MTMR4: variants seen among roughly 807,000 people sequenced by gnomAD.
MTMR4 encodes myotubularin related protein 4.
A neutral mutation model predicts 125.5 loss-of-function variants in MTMR4; 30 were observed. The observed-to-expected ratio is 0.24, with a 90% CI of 0.18 to 0.32. MTMR4 has a LOEUF of 0.32. Ranked by LOEUF, MTMR4 falls within the 10% of genes least tolerant of loss-of-function variation. MTMR4 has a pLI of 1.00. For missense variants in MTMR4, 1,039 were observed against 1,511.5 expected, an observed-to-expected ratio of 0.69 and a Z score of 5.18; for synonymous variants, 498 against 564.5, an observed-to-expected ratio of 0.88 and a Z score of 1.67.
chr17:58,498,489 A>C (rs1380074383), intron 14 of MTMR4, among the ~76,000 whole-genome samples: 3 of 136,730 alleles, frequency 2.2e-5, no homozygotes, highest in African/African-American at 8.1e-5. Context: ...ACTTTAATGG[A>C]AGAAGAAGAA....
chr17:58,512,769 C>A lies in MTMR4; in HGVS notation c.135+83G>T. 1 of 1,219,056 alleles carries A rather than the reference C, an allele frequency of 8.2e-7. No individual in the cohort carries two copies. The highest frequency in any genetic ancestry group is 1.2e-6 in the Non-Finnish European group (1 of 833,136). The allele number at this position is 1,219,056 out of a possible 1,614,324, so 75.5% of individuals were successfully genotyped here. A position where few individuals can be genotyped will look rare whatever the true frequency, so the allele number is the denominator to read the frequency against. On this transcript the variant is annotated intron_variant, in intron 2 of 17. Coordinates refer to ENST00000682306, the MANE Select transcript of MTMR4 (RefSeq NM_001378067.1). The surrounding 1 kb of genome is among the most constrained non-coding windows in gnomAD (Gnocchi z 4.1). ...AAGCCAGAGCTCTGGTACCAGATGC[C>A]CTTGAGGATTTTTGGGAGAAGGGAG...
At chr17:58,493,433 G>A (rs867037682) in intron 15 of MTMR4, among the ~76,000 whole-genome samples, 48 of 152,322 alleles carry the variant, frequency 3.2e-4, no homozygotes, top group African/African-American at 1.1e-3. Context: ...GCTCGCTGTA[G>A]CCTCAACATC....
upstream of MTMR4, among the ~76,000 whole-genome samples, chr17:58,518,216 A>G (rs2042046857): frequency 6.6e-6 from 1 of 152,236 alleles, no homozygotes; most frequent in Non-Finnish European, 1.5e-5. Context: ...GGGGACCGGA[A>G]GTGGAGGCGG....
At chr17:58,514,755 G>C (rs943754318), upstream of MTMR4, 1 of 801,658 alleles carries the variant, frequency 1.2e-6, no homozygotes, top group African/African-American at 1.9e-5. Context: ...CCTGGGCCTC[G>C]TAGGAGGGCG....
intron 14 of MTMR4, among the ~76,000 whole-genome samples, chr17:58,503,369 C>T (rs1417222079): frequency 8.5e-5 from 13 of 152,094 alleles, no homozygotes; most frequent in African/African-American, 1.7e-4. Flanking sequence ...AGAAAGAGGC[C>T]GGGCACGGTG....
In MTMR4 at chr17:58,504,782, C is replaced by T. The variant is rs947246953; in HGVS notation, c.1338G>A (p.Leu446=). ...KILLDPYYRT[L]EGFQVLVESD... is the part of the protein sequence containing the mutation. ...CCCACCGAATTCCTCTCAATACCTC[C>T]AACGTCCTGTAATATGGGTCCAGTA... Residue 446 remains leucine, a synonymous_variant, in exon 11 of 18, where the codon TTG becomes TTA. Coordinates refer to ENST00000682306, the MANE Select transcript of MTMR4 (RefSeq NM_001378067.1). This position sits in a 1 kb window ranked among gnomAD's most constrained non-coding sequence, Gnocchi z 7.1. 1 of 1,600,550 alleles carries T rather than the reference C, an allele frequency of 6.2e-7. No homozygotes were observed. Among genetic ancestry groups the T allele is most frequent in the Non-Finnish European group, 8.5e-7 (1 of 1,172,208 alleles).
chr17:58,508,816 A>G lies in MTMR4; in HGVS notation c.361T>C (p.Cys121Arg). The G allele has an allele frequency of 2.5e-6, 4 of 1,614,098 alleles. No homozygotes were observed. The highest frequency in any genetic ancestry group is 3.4e-6 in the Non-Finnish European group (4 of 1,179,972). Reference protein sequence around the residue: ...VRCHFSTFKQCQEWLSRLSRA... With the variant: ...VRCHFSTFKQRQEWLSRLSRA... Reference sequence around the variant, plus strand: ...CTTAGCCGTGAGAGCCACTCTTGGCACTGCTTAAAAGTGGAGAAGTGGCAC... The same window carrying G: ...CTTAGCCGTGAGAGCCACTCTTGGCGCTGCTTAAAAGTGGAGAAGTGGCAC... The change falls in exon 5 of 18, where the codon TGC becomes CGC. Residue 121 changes from cysteine to arginine, a missense_variant. Around this residue, in one of 6 missense-constraint regions of MTMR4, gnomAD observed 202 missense variants for 311.9 expected, o/e 0.65. Transcript: ENST00000682306. The surrounding 1 kb of genome is among the most constrained non-coding windows in gnomAD (Gnocchi z 4.8).
rs1398179845 is a variant in MTMR4, at chr17:58,491,647, G to A, written c.*16C>T. ...CCTTCAAACCTGCTAAAATTGGACA[G>A]GTTTCTCCCCGGCATTCAACTGGAA... On this transcript the variant is annotated 3_prime_UTR_variant, in exon 18 of 18. Transcript: ENST00000682306. 6 of 1,609,936 alleles carry A rather than the reference G, an allele frequency of 3.7e-6. No homozygotes were observed. The Admixed American group carries it at 6.7e-5, about 18-fold the overall frequency.
chr17:58,514,735 C>T (rs1363587451), upstream of MTMR4: 2 of 916,060 alleles, frequency 2.2e-6, no homozygotes, highest in African/African-American at 3.6e-5. Context: ...CCTCCTCCCT[C>T]CCCGCGGACC....
rs562204338 is a variant in MTMR4 at position 58,505,489 on chromosome 17, C to T, written c.1128G>A (p.Gln376=). The T allele has an allele frequency of 1.5e-4, 243 of 1,612,868 alleles. 2 individuals carry two copies. The South Asian group carries it at 2.4e-3, about 16-fold the overall frequency. ...ACACCTACTTGCTAGGATCCGGCAT[C>T]TGGCTACACACAGCCCGGAGGTACT... ...SFQYLRAVCS[Q]MPDPSNWLSA... The change falls in exon 10 of 18, where the codon CAG becomes CAA. Residue 376 remains glutamine, a synonymous_variant. Coordinates refer to ENST00000682306, the MANE Select transcript of MTMR4 (RefSeq NM_001378067.1).
At chr17:58,498,845 T>G (rs1217795802) in intron 14 of MTMR4, among the ~76,000 whole-genome samples, 1 of 152,158 alleles carries the variant, frequency 6.6e-6, no homozygotes, top group Non-Finnish European at 1.5e-5. Context: ...ATTCTCCTAC[T>G]TTTTAAGCTC....
Position 58,512,648 on chromosome 17 carries a change from G to T in MTMR4, c.136-142C>A. On this transcript the variant is annotated intron_variant, in intron 2 of 17. Transcript: ENST00000682306. This position sits in a 1 kb window ranked among gnomAD's most constrained non-coding sequence, Gnocchi z 4.1. ...GTTCTCTCCACGGTAACAGCACCAGGCAACAGCTGTACAGGAAAGCTGCCT... is the reference window on the plus strand; with the variant it reads ...GTTCTCTCCACGGTAACAGCACCAGTCAACAGCTGTACAGGAAAGCTGCCT... 1.2e-6 allele frequency: 1 copy of T among 814,978 alleles called. No homozygotes were observed. The allele number at this position is 814,978 out of a possible 1,614,324, so 50.5% of individuals were successfully genotyped here.
chr17:58,514,010 A>G (rs1440442800), intron 1 of MTMR4: 1 of 152,528 alleles, frequency 6.6e-6, no homozygotes, highest in East Asian at 1.9e-4. Flanking sequence ...CATTCAGCCT[A>G]CTAGCCACAT....
chr17:58,507,096 G>A, intron 8 of MTMR4, 27 bp downstream of exon 8: 3 of 1,612,470 alleles, frequency 1.9e-6, no homozygotes, highest in Admixed American at 1.7e-5. Context: ...CCTGCTCCCT[G>A]GGGGGTTAGC....
intron 14 of MTMR4, among the ~76,000 whole-genome samples, chr17:58,500,127 A>G (rs1975581607): frequency 6.6e-6 from 1 of 152,012 alleles, no homozygotes; most frequent in Non-Finnish European, 1.5e-5. Context: ...GCTTTGAACT[A>G]CACACATTTG....
intron 14 of MTMR4, among the ~76,000 whole-genome samples, chr17:58,503,413 C>T (rs1341913135): frequency 1.3e-5 from 2 of 152,020 alleles, no homozygotes; most frequent in Non-Finnish European, 2.9e-5. Flanking sequence ...TTTGGGAGGC[C>T]GAGGCAGGTG....
intron 1 of MTMR4, 118 bp downstream of exon 1, chr17:58,514,245 C>A (rs996289298): frequency 2.2e-6 from 2 of 909,644 alleles, no homozygotes; most frequent in Admixed American, 6.2e-5. Context: ...TCCCTGCCCC[C>A]CAAACGTTCG....
At chr17:58,507,095 TG>T (rs749824776) in intron 8 of MTMR4, 27 bp downstream of exon 8, 6 of 1,613,324 alleles carry the variant, frequency 3.7e-6, no homozygotes, top group South Asian at 3.3e-5. Flanking sequence ...GCCTGCTCCC[TG>T]GGGGGTTAGC....
chr17:58,506,865 G>A lies in MTMR4; in HGVS notation c.911C>T (p.Ser304Phe). Reference protein sequence around the residue: ...SEACDADFDSSLTACSGVEST... With the variant: ...SEACDADFDSFLTACSGVEST... ...CTCCACTCCAGAGCACGCAGTCAGAGAAGAATCTAAACACACAGCAGGAAG... is the reference window on the plus strand; with the variant it reads ...CTCCACTCCAGAGCACGCAGTCAGAAAAGAATCTAAACACACAGCAGGAAG... The change falls in exon 9 of 18, where the codon TCT becomes TTT. Residue 304 changes from serine to phenylalanine, a missense_variant. This residue lies in a region of MTMR4 where 49 missense variants were observed against 68.4 expected (regional missense o/e 0.72). Coordinates refer to ENST00000682306, the MANE Select transcript of MTMR4 (RefSeq NM_001378067.1). The A allele has an allele frequency of 6.2e-7, 1 of 1,611,952 alleles. No homozygotes were observed. The highest frequency in any genetic ancestry group is 8.5e-7 in the Non-Finnish European group (1 of 1,179,648).
Sources: gnomAD v4.1 joint callset for allele counts (sites outside exome capture counted in the v4.1 genomes callset) on GRCh38, gnomAD v4.1.1 for gene constraint, gnomAD v4.1.1 regional missense constraint, Gnocchi (gnomAD v3.1) non-coding constraint, MANE v1.5 for transcripts, NCBI Gene and HGNC (gene_info 2026-07-23, HGNC 2026-07-21) for gene names.